ACOXL: variants seen among roughly 807,000 people sequenced by gnomAD.
The protein encoded by ACOXL is acyl-coenzyme A oxidase-like protein.
Under a neutral mutation model 71.9 loss-of-function variants are expected in ACOXL, and 70 were observed. The ratio of observed to expected loss-of-function variants is 0.97; its 90% CI spans 0.80 to 1.19. ACOXL has a LOEUF of 1.19. Ranked by LOEUF, ACOXL falls within the 50% of genes most tolerant of loss-of-function variation. The pLI is 0.00. For synonymous variants in ACOXL, 253 were observed against 281.6 expected (o/e 0.90, Z 1.02); for missense variants, 703 against 736.3 (o/e 0.95, Z 0.52).
chr2:110,835,991 G>A (rs1184091023), intron 9 of ACOXL, among the ~76,000 whole-genome samples: 4 of 152,178 alleles, frequency 2.6e-5, no homozygotes, highest in East Asian at 1.9e-4. Flanking sequence ...TGGAAAGGTC[G>A]GGGTTTGGCC....
intron 10 of ACOXL, among the ~76,000 whole-genome samples, chr2:110,891,430 T>C (rs1390670525): frequency 6.6e-6 from 1 of 151,848 alleles, no homozygotes; most frequent in Admixed American, 6.6e-5. Context: ...AAATATGTCT[T>C]TTATCTAGAG....
At chr2:111,110,937 T>C (rs1030394227) in intron 17 of ACOXL, among the ~76,000 whole-genome samples, 3 of 152,238 alleles carry the variant, frequency 2.0e-5, no homozygotes, top group Non-Finnish European at 4.4e-5. Context: ...TTCTCCATAA[T>C]AACTTTGGAC....
intron 12 of ACOXL, among the ~76,000 whole-genome samples, chr2:110,969,803 T>C: frequency 7.2e-6 from 1 of 139,310 alleles, no homozygotes; most frequent in Non-Finnish European, 1.6e-5. Context: ...AGAGTGAGAC[T>C]TTGTCTCAAA....
intron 16 of ACOXL, among the ~76,000 whole-genome samples, chr2:111,061,347 A>C (rs1360792729): frequency 2.0e-5 from 3 of 152,184 alleles, no homozygotes; most frequent in Non-Finnish European, 1.5e-5. Context: ...CAGGGGTCAG[A>C]AGAAGTGATA....
At chr2:111,104,056 C>G (rs116493116) in intron 17 of ACOXL, among the ~76,000 whole-genome samples, 1 of 152,088 alleles carries the variant, frequency 6.6e-6, no homozygotes, top group Non-Finnish European at 1.5e-5. Context: ...ATTTCAGGAA[C>G]GTTGTATAAA....
chr2:110,942,969 AAAAAG>A (rs897244457), intron 12 of ACOXL, among the ~76,000 whole-genome samples: 2 of 149,150 alleles, frequency 1.3e-5, no homozygotes, highest in Non-Finnish European at 3.0e-5. Flanking sequence ...GAAAAGAAAA[AAAAAG>A]AAGAGTGGGA....
At chr2:110,830,794 A>G (rs1389497608) in intron 9 of ACOXL, among the ~76,000 whole-genome samples, 2 of 152,088 alleles carry the variant, frequency 1.3e-5, no homozygotes, top group African/African-American at 4.8e-5. Flanking sequence ...CGGCCTCCCA[A>G]AGTGCTGGGA....
chr2:111,052,289 C>G (rs1206286943), intron 16 of ACOXL, among the ~76,000 whole-genome samples: 1 of 152,168 alleles, frequency 6.6e-6, no homozygotes, highest in African/African-American at 2.4e-5. Context: ...TTCCACCACT[C>G]CACCCCTTCA....
At chr2:110,740,314 G>T (rs1026127522) in intron 1 of ACOXL, among the ~76,000 whole-genome samples, 3 of 152,214 alleles carry the variant, frequency 2.0e-5, no homozygotes, top group African/African-American at 7.2e-5. Flanking sequence ...AATTGTGGGC[G>T]TGTAGAGCCT....
intron 14 of ACOXL, 24 bp from the exon 15 acceptor site, chr2:111,031,603 A>T: frequency 6.2e-7 from 1 of 1,609,362 alleles, no homozygotes; most frequent in Non-Finnish European, 8.5e-7. Flanking sequence ...CTCAATGGTG[A>T]TTTTTCTTCT....
At chr2:110,874,024 G>C (rs1340614125) in intron 10 of ACOXL, among the ~76,000 whole-genome samples, 2 of 152,198 alleles carry the variant, frequency 1.3e-5, no homozygotes, top group Admixed American at 6.5e-5. Context: ...CTGAGGCCCA[G>C]AGCACTGTGC....
intron 12 of ACOXL, among the ~76,000 whole-genome samples, chr2:110,974,094 G>T (rs1574344018): frequency 6.6e-6 from 1 of 152,278 alleles, no homozygotes; most frequent in African/African-American, 2.4e-5. Flanking sequence ...TGCCTGTACT[G>T]GTCCACTCAG....
chr2:110,936,572 T>C (rs2060670994), intron 12 of ACOXL, among the ~76,000 whole-genome samples: 1 of 152,080 alleles, frequency 6.6e-6, no homozygotes. Flanking sequence ...TACCCACACT[T>C]TTGCCTAACC....
chr2:110,887,097 A>G (rs1697391001), intron 10 of ACOXL: 2 of 443,106 alleles, frequency 4.5e-6, no homozygotes, highest in Admixed American at 7.2e-5. Flanking sequence ...CTGCCTGGCA[A>G]GGACGATCTG....
Position 110,905,287 on chromosome 2 carries a change from A to G in ACOXL, c.789-3502A>G, listed in dbSNP as rs138714137. ...GGCTGAGCCACCAAAAATGAGTCCA[A>G]TTAGACACTGGCAGTTAGGGGTGGG... On this transcript the variant is annotated intron_variant, in intron 10 of 17. Transcript: ENST00000439055. 3.7e-4 allele frequency among the ~76,000 whole-genome samples: 57 copies of G among 152,220 alleles called. No homozygotes were observed. The East Asian group carries it at 5.1e-3, about 13-fold the overall frequency.
chr2:111,026,483 A>G (rs2065022410), intron 14 of ACOXL, among the ~76,000 whole-genome samples: 1 of 150,106 alleles, frequency 6.7e-6, no homozygotes, highest in African/African-American at 2.4e-5. Flanking sequence ...GTTTTCATAT[A>G]TAGATCTTAC....
At chr2:111,056,179 GAC>G (rs1445328844) in intron 16 of ACOXL, among the ~76,000 whole-genome samples, 1 of 145,606 alleles carries the variant, frequency 6.9e-6, no homozygotes, top group African/African-American at 2.6e-5. Context: ...CAGCCTGTGT[GAC>G]ACAGCAAGAC....
At position 111,117,820 on chromosome 2, in the gene ACOXL, G is replaced by C; in HGVS notation, c.*4G>C. ...CAAGCTGGGAGCCAAGCTCTAACGG[G>C]TGTGGCGGGAAGTGTGGTGGCCCGC... On this transcript the variant is annotated 3_prime_UTR_variant, in exon 18 of 18. Transcript: ENST00000439055. 6.5e-7 allele frequency: 1 copy of C among 1,545,960 alleles called. No homozygotes were observed. Among genetic ancestry groups the C allele is most frequent in the Non-Finnish European group, 8.7e-7 (1 of 1,146,156 alleles).
At chr2:110,927,244 T>C (rs2060307301) in intron 11 of ACOXL, among the ~76,000 whole-genome samples, 1 of 152,150 alleles carries the variant, frequency 6.6e-6, no homozygotes, top group Non-Finnish European at 1.5e-5. Flanking sequence ...ACCCCCATGA[T>C]TCAATCACCT....
Sources: allele counts gnomAD v4.1 joint callset (sites outside exome capture counted in the v4.1 genomes callset), GRCh38; gene constraint gnomAD v4.1.1; transcripts MANE v1.5; gene names NCBI Gene and HGNC (gene_info 2026-07-23, HGNC 2026-07-21).